The following TMEM65 variants were observed in gnomAD, a reference collection of about 807,000 sequenced individuals.
TMEM65 encodes transmembrane protein 65.
Under a neutral mutation model 25.4 loss-of-function variants are expected in TMEM65, and 22 were observed. That is an observed-to-expected ratio of 0.86 (90% CI 0.62 to 1.23). TMEM65 has a LOEUF of 1.23. Among genes scored for constraint, TMEM65 ranks in the 50% most tolerant of loss-of-function variants. The pLI, the probability that TMEM65 is intolerant of heterozygous loss-of-function variation, is 0.00. For synonymous variants in TMEM65, 132 were observed against 126.2 expected (o/e 1.05, Z -0.31); for missense variants, 262 against 308.2 (o/e 0.85, Z 1.12).
rs373254380 is a variant in TMEM65, at chr8:124,313,233, T to G, written c.*727A>C. ...AAGTCAGAATCCACCATGTAATTAT[T>G]CAAAACTGGGAAACTAAAAGGTTAA... On this transcript the variant is annotated 3_prime_UTR_variant, in exon 7 of 7. Coordinates refer to ENST00000297632, the MANE Select transcript of TMEM65 (RefSeq NM_194291.3). 6.6e-6 allele frequency: 1 copy of G among 152,042 alleles called. No individual in the cohort carries two copies. Among genetic ancestry groups the G allele is most frequent in the East Asian group, 1.9e-4 (1 of 5,186 alleles). The allele number at this position is 152,042 out of a possible 1,614,324, so 9.4% of individuals were successfully genotyped here. A position where few individuals can be genotyped will look rare whatever the true frequency, so the allele number is the denominator to read the frequency against.
chr8:124,365,264 C>T (rs1586475887), intron 1 of TMEM65, among the ~76,000 whole-genome samples: 2 of 152,098 alleles, frequency 1.3e-5, no homozygotes, highest in African/African-American at 2.4e-5. Flanking sequence ...CCATATTTCC[C>T]AAATTTCTAA....
At chr8:124,361,901 G>GTTT (rs950691303) in intron 1 of TMEM65, among the ~76,000 whole-genome samples, 49 of 151,152 alleles carry the variant, frequency 3.2e-4, no homozygotes, top group African/African-American at 1.1e-3. Context: ...TTTTTGGAGG[G>GTTT]TTTTTTGAGA....
rs552488821 is a variant in TMEM65, at chr8:124,329,960, A to G, written c.349+788T>C. On this transcript the variant is annotated intron_variant, in intron 2 of 6. Coordinates refer to ENST00000297632, the MANE Select transcript of TMEM65 (RefSeq NM_194291.3). ...GGAAAGTTACTAATCTCTAATATAA[A>G]TTACATTCTACCTGTCAGAGAAAAA... Among the ~76,000 whole-genome samples, 4 of 151,932 alleles carry G rather than the reference A, an allele frequency of 2.6e-5. 1 individual carries two copies. The South Asian group carries it at 8.3e-4, about 31-fold the overall frequency.
At chr8:124,318,362 T>TG (rs1814263016) in intron 6 of TMEM65, among the ~76,000 whole-genome samples, 3 of 99,864 alleles carry the variant, frequency 3.0e-5, no homozygotes, top group Admixed American at 1.4e-4. Flanking sequence ...TGAATTTGCA[T>TG]GTTTTTGTTT....
intron 1 of TMEM65, among the ~76,000 whole-genome samples, chr8:124,369,783 T>A (rs1018328553): frequency 2.0e-5 from 3 of 152,226 alleles, no homozygotes; most frequent in Non-Finnish European, 4.4e-5. Context: ...CATAACTATA[T>A]GTATTGATAC....
intron 1 of TMEM65, among the ~76,000 whole-genome samples, chr8:124,352,654 G>C (rs1162931981): frequency 2.0e-5 from 3 of 152,136 alleles, no homozygotes; most frequent in Non-Finnish European, 4.4e-5. Flanking sequence ...TAAGTGAGGG[G>C]AGGTGGGATT....
chr8:124,336,684 G>C (rs1365574926), intron 1 of TMEM65, among the ~76,000 whole-genome samples: 1 of 151,876 alleles, frequency 6.6e-6, no homozygotes, highest in Non-Finnish European at 1.5e-5. Flanking sequence ...TGAATGCTTA[G>C]GGGGAAATTT....
chr8:124,366,226 A>C (rs1235152371), intron 1 of TMEM65, among the ~76,000 whole-genome samples: 2 of 152,258 alleles, frequency 1.3e-5, no homozygotes, highest in Non-Finnish European at 1.5e-5. Context: ...CGTCTCAAAA[A>C]AGAGAAAGAA....
chr8:124,306,538 T>G lies in TMEM65; in HGVS notation c.*7422A>C, dbSNP rs188977486. The G allele has an allele frequency of 6.6e-6, 1 of 152,396 alleles. No individual in the cohort carries two copies. Among genetic ancestry groups the G allele is most frequent in the African/African-American group, 2.4e-5 (1 of 41,456 alleles). 9.4% of individuals were successfully genotyped at this position (152,396 alleles called of 1,614,324 possible). On this transcript the variant is annotated 3_prime_UTR_variant, in exon 7 of 7. Transcript: ENST00000297632. ...ATTTAAAAAACTTGCAGATGCACCATGTAGCTTAGAAATACTGAAAAACTA... is the reference window on the plus strand; with the variant it reads ...ATTTAAAAAACTTGCAGATGCACCAGGTAGCTTAGAAATACTGAAAAACTA...
intron 1 of TMEM65, among the ~76,000 whole-genome samples, chr8:124,345,089 A>T (rs1317933700): frequency 6.6e-6 from 1 of 152,250 alleles, no homozygotes; most frequent in Non-Finnish European, 1.5e-5. Flanking sequence ...ATCTAATTTC[A>T]TATGTAAACA....
intron 1 of TMEM65, among the ~76,000 whole-genome samples, chr8:124,363,348 G>C (rs1195904764): frequency 1.3e-5 from 2 of 152,116 alleles, no homozygotes; most frequent in East Asian, 1.9e-4. Flanking sequence ...GGTGTGTCTT[G>C]GTATGTTATC....
intron 1 of TMEM65, among the ~76,000 whole-genome samples, chr8:124,355,987 C>T (rs28456315): frequency 0.086 from 13,014 of 152,120 alleles, 607 homozygotes; most frequent in African/African-American, 0.11. Flanking sequence ...ACAAAAAAGA[C>T]AAGAAAGCCC....
At chr8:124,371,471 C>T (rs7387895) in intron 1 of TMEM65, among the ~76,000 whole-genome samples, 48,907 of 152,190 alleles carry the variant, frequency 0.32, 8,746 homozygotes, top group Non-Finnish European at 0.4. Context: ...TGCACGGGTG[C>T]ACGCTCGCAA....
At chr8:124,357,943 C>A (rs1814806608) in intron 1 of TMEM65, among the ~76,000 whole-genome samples, 1 of 149,306 alleles carries the variant, frequency 6.7e-6, no homozygotes, top group African/African-American at 2.5e-5. Flanking sequence ...GATTCTCCTG[C>A]CTCAGCCTCC....
chr8:124,318,368 TG>T (rs1189951479), intron 6 of TMEM65, among the ~76,000 whole-genome samples: 8,180 of 76,054 alleles, frequency 0.11, 2,228 homozygotes, highest in Non-Finnish European at 0.15. Flanking sequence ...TGCATGTTTT[TG>T]TTTTTTTTTT....
At chr8:124,350,901 T>C (rs1434896169) in intron 1 of TMEM65, 1 of 737,550 alleles carries the variant, frequency 1.4e-6, no homozygotes. Context: ...AGCATGCAGT[T>C]ATTGTTCCAT....
intron 1 of TMEM65, among the ~76,000 whole-genome samples, chr8:124,357,181 CCTATCACT>C (rs1343389925): frequency 6.6e-6 from 1 of 151,850 alleles, no homozygotes; most frequent in Non-Finnish European, 1.5e-5. Flanking sequence ...GGGATCTTCT[CCTATCACT>C]CTATTTATAC....
Position 124,311,972 on chromosome 8 carries a change from C to T in TMEM65, c.*1988G>A, listed in dbSNP as rs921480975. The stretch of plus-strand genomic sequence containing the variant: ...AGAAGAAAAAACAATAATCAAAAGC[C>T]CTTTCTAAAGTCACAGGCAAGGTTT... On this transcript the variant is annotated 3_prime_UTR_variant, in exon 7 of 7. Coordinates refer to ENST00000297632, the MANE Select transcript of TMEM65 (RefSeq NM_194291.3). The T allele has an allele frequency of 6.6e-6, 1 of 152,366 alleles. No individual in the cohort carries two copies. Among genetic ancestry groups the T allele is most frequent in the Admixed American group, 6.6e-5 (1 of 15,246 alleles). 9.4% of individuals were successfully genotyped at this position (152,366 alleles called of 1,614,324 possible).
chr8:124,337,772 G>A (rs1814529863), intron 1 of TMEM65, among the ~76,000 whole-genome samples: 2 of 151,972 alleles, frequency 1.3e-5, no homozygotes, highest in Admixed American at 6.6e-5. Context: ...CTTTTCCTTT[G>A]ACTCCGCATT....
Sources: allele counts gnomAD v4.1 joint callset (sites outside exome capture counted in the v4.1 genomes callset), GRCh38; gene constraint gnomAD v4.1.1; transcripts MANE v1.5; gene names NCBI Gene and HGNC (gene_info 2026-07-23, HGNC 2026-07-21).